ABCC1: variants seen among roughly 807,000 people sequenced by gnomAD.
The protein encoded by ABCC1 is ATP binding cassette subfamily C member 1 (ABCC1 blood group), also known as multidrug resistance-associated protein 1.
A neutral mutation model predicts 172.9 loss-of-function variants in ABCC1; 83 were observed. That is an observed-to-expected ratio of 0.48 (90% confidence interval 0.40 to 0.58). The LOEUF is 0.58. Ranked by LOEUF, ABCC1 falls within the 20% of genes least tolerant of loss-of-function variation. The pLI is 0.00. For missense variants in ABCC1, 1,817 were observed against 2,002.7 expected (o/e 0.91, Z 1.77); for synonymous variants, 937 against 825.2 (o/e 1.14, Z -2.32).
chr16:16,071,289 G>A (rs2050339972), intron 13 of ABCC1, among the ~76,000 whole-genome samples: 2 of 151,066 alleles, frequency 1.3e-5, no homozygotes, highest in Non-Finnish European at 2.9e-5. Context: ...GCTGAGGCGG[G>A]GTTTCACCAT....
intron 30 of ABCC1, 99 bp downstream of exon 30, chr16:16,138,657 C>G: frequency 1.1e-6 from 1 of 949,468 alleles, no homozygotes; most frequent in Admixed American, 3.5e-5. Flanking sequence ...GTCCTTATCC[C>G]TAGTGACAGC....
chr16:16,068,034 G>A, intron 12 of ABCC1, 122 bp from the exon 13 acceptor site: 1 of 1,112,660 alleles, frequency 9.0e-7, no homozygotes, highest in Admixed American at 2.1e-5. Flanking sequence ...ACGAGCTCCA[G>A]CAGCTGGTCA....
intron 1 of ABCC1, among the ~76,000 whole-genome samples, chr16:15,967,953 C>T (rs1401134265): frequency 2.0e-5 from 3 of 152,032 alleles, no homozygotes; most frequent in African/African-American, 7.2e-5. Context: ...TTTGTCTTGT[C>T]TGATGTTATA....
At position 16,009,915 on chromosome 16, in the gene ABCC1, G is replaced by T. The variant is rs2047711807; in HGVS notation, c.351+14G>T. ...GGCATCACCATGGTAAGTAGGAGCT[G>T]GCTGTGACCCCTGGGCCATCTGCTG... On this transcript the variant is annotated intron_variant, in intron 3 of 30. Coordinates refer to ENST00000399410, the MANE Select transcript of ABCC1 (RefSeq NM_004996.4). 6.3e-7 allele frequency: 1 copy of T among 1,587,784 alleles called. No individual in the cohort carries two copies. The highest frequency in any genetic ancestry group is 1.4e-5 in the African/African-American group (1 of 73,622).
chr16:16,029,845 G>T (rs2048504204), intron 5 of ABCC1, among the ~76,000 whole-genome samples: 1 of 152,196 alleles, frequency 6.6e-6, no homozygotes, highest in South Asian at 2.1e-4. Context: ...GGTAGACCTT[G>T]TCTTGACAAA....
intron 17 of ABCC1, among the ~76,000 whole-genome samples, chr16:16,086,447 A>G (rs2051008057): frequency 6.6e-6 from 1 of 152,066 alleles, no homozygotes; most frequent in Non-Finnish European, 1.5e-5. Context: ...AGCAGGCTCT[A>G]TGCCTTTCTT....
chr16:15,993,896 C>T (rs1017198281), intron 1 of ABCC1, among the ~76,000 whole-genome samples: 3 of 152,106 alleles, frequency 2.0e-5, no homozygotes, highest in South Asian at 2.1e-4. Flanking sequence ...TGCCTCCAAG[C>T]GACCTCAGGC....
chr16:15,986,988 A>C (rs2151612763), intron 1 of ABCC1, among the ~76,000 whole-genome samples: 2 of 152,216 alleles, frequency 1.3e-5, no homozygotes, highest in Admixed American at 1.3e-4. Flanking sequence ...AATGTGGCGA[A>C]ACCCCATCTC....
At chr16:16,069,272 G>C (rs1437690823) in intron 13 of ABCC1, among the ~76,000 whole-genome samples, 2 of 152,010 alleles carry the variant, frequency 1.3e-5, no homozygotes, top group Admixed American at 6.6e-5. Context: ...GACTCAGAAG[G>C]CTGGGGTGGG....
Position 16,044,570 on chromosome 16 carries a change from C to T in ABCC1, c.930C>T (p.Asn310=), listed in dbSNP as rs368427800. Residue 310 remains asparagine (N), a synonymous_variant, in exon 8 of 31, where the codon AAC becomes AAT. Coordinates refer to ENST00000399410, the MANE Select transcript of ABCC1 (RefSeq NM_004996.4). ...LIVKSPQKEW[N]PSLFKVLYKT... ...TCAAGTCCCCACAGAAGGAGTGGAACCCCTCTCTGTTTAAGGTGTTATACA... is the reference window on the plus strand; with the variant it reads ...TCAAGTCCCCACAGAAGGAGTGGAATCCCTCTCTGTTTAAGGTGTTATACA... The T allele has an allele frequency of 3.1e-6, 5 of 1,614,124 alleles. No homozygotes were observed. The highest frequency in any genetic ancestry group is 2.2e-5 in the South Asian group (2 of 91,082).
At chr16:16,083,827 C>T (rs2050901772) in intron 17 of ABCC1, among the ~76,000 whole-genome samples, 1 of 152,072 alleles carries the variant, frequency 6.6e-6, no homozygotes, top group Non-Finnish European at 1.5e-5. Context: ...GATAGGCCCC[C>T]CAGAAAGCAT....
chr16:16,092,039 A>T (rs1379649186), intron 19 of ABCC1, among the ~76,000 whole-genome samples: 1 of 152,144 alleles, frequency 6.6e-6, no homozygotes, highest in Non-Finnish European at 1.5e-5. Context: ...GGAGTTGGAG[A>T]CCAGCCTGGC....
At chr16:16,131,473 G>A (rs777898698) in intron 26 of ABCC1, among the ~76,000 whole-genome samples, 2 of 152,200 alleles carry the variant, frequency 1.3e-5, no homozygotes, top group Non-Finnish European at 2.9e-5. Flanking sequence ...GGATGGTGCA[G>A]TGGGTGTGGG....
At chr16:16,015,617 A>T (rs1471623375) in intron 4 of ABCC1, among the ~76,000 whole-genome samples, 1 of 152,192 alleles carries the variant, frequency 6.6e-6, no homozygotes, top group Admixed American at 6.5e-5. Flanking sequence ...CTCGCAGGGG[A>T]CTGTGTATGT....
At chr16:16,030,685 G>T (rs2048530294) in intron 5 of ABCC1, among the ~76,000 whole-genome samples, 1 of 151,400 alleles carries the variant, frequency 6.6e-6, no homozygotes, top group Non-Finnish European at 1.5e-5. Context: ...TTTCCTTGTT[G>T]TCCGGTGTGA....
At chr16:15,980,353 C>T (rs1017770210) in intron 1 of ABCC1, among the ~76,000 whole-genome samples, 2 of 152,102 alleles carry the variant, frequency 1.3e-5, no homozygotes, top group Non-Finnish European at 2.9e-5. Context: ...AGTCTGTTCT[C>T]ACGCTGCTAT....
At chr16:16,125,940 T>A (rs2045414959) in intron 26 of ABCC1, 29 bp downstream of exon 26, 1 of 1,568,208 alleles carries the variant, frequency 6.4e-7, no homozygotes, top group Non-Finnish European at 8.8e-7. Flanking sequence ...CTGGACCTCT[T>A]GGTCTTTGGT....
intron 21 of ABCC1, among the ~76,000 whole-genome samples, chr16:16,108,259 T>C (rs1015007940): frequency 7.5e-6 from 1 of 132,632 alleles, no homozygotes; most frequent in Non-Finnish European, 1.6e-5. Context: ...AACACGCTTA[T>C]CGTTTCTTTG....
intron 1 of ABCC1, among the ~76,000 whole-genome samples, chr16:15,965,372 A>C (rs2046220644): frequency 6.6e-6 from 1 of 151,804 alleles, no homozygotes; most frequent in Non-Finnish European, 1.5e-5. Flanking sequence ...GCTCACTGCA[A>C]GCTCCGCCTC....
Sources: gnomAD v4.1 joint callset for allele counts (sites outside exome capture counted in the v4.1 genomes callset) on GRCh38, gnomAD v4.1.1 for gene constraint, MANE v1.5 for transcripts, NCBI Gene and HGNC (gene_info 2026-07-23, HGNC 2026-07-21) for gene names.